SPATA17: variants seen among roughly 807,000 people sequenced by gnomAD.
The protein encoded by SPATA17 is spermatogenesis associated 17.
Under a neutral mutation model 62.2 loss-of-function variants are expected in SPATA17, and 53 were observed. The ratio of observed to expected loss-of-function variants is 0.85; its 90% CI spans 0.68 to 1.07. SPATA17 has a LOEUF of 1.07. Ranked by LOEUF, SPATA17 falls within the 50% of genes least tolerant of loss-of-function variation. The pLI, the probability that SPATA17 is intolerant of heterozygous loss-of-function variation, is 0.00. For missense variants in SPATA17, 466 were observed against 425.5 expected (o/e 1.10, Z -0.84); for synonymous variants, 146 against 146.8 (o/e 0.99, Z 0.04).
intron 5 of SPATA17, among the ~76,000 whole-genome samples, chr1:217,715,987 A>G (rs988684205): frequency 6.6e-6 from 1 of 152,194 alleles, no homozygotes; most frequent in Non-Finnish European, 1.5e-5. Flanking sequence ...ATATGCGTCG[A>G]GTTTCTAGGA....
intron 6 of SPATA17, among the ~76,000 whole-genome samples, chr1:217,749,329 A>T (rs1034528568): frequency 5.9e-5 from 9 of 152,124 alleles, no homozygotes; most frequent in African/African-American, 2.2e-4. Context: ...CTTGATACTT[A>T]CGGTTGCCAA....
At chr1:217,862,921 G>A in intron 10 of SPATA17, 65 bp downstream of exon 10, 3 of 1,032,790 alleles carry the variant, frequency 2.9e-6, no homozygotes, top group South Asian at 1.7e-5. Context: ...AATCAAATGG[G>A]GTTGACTTAA....
intron 4 of SPATA17, among the ~76,000 whole-genome samples, chr1:217,674,033 G>A (rs368279300): frequency 2.6e-5 from 4 of 152,122 alleles, no homozygotes; most frequent in African/African-American, 9.6e-5. Flanking sequence ...ATATTTGCAG[G>A]GGGAAAATAA....
At chr1:217,796,890 T>C (rs550894573) in intron 8 of SPATA17, among the ~76,000 whole-genome samples, 14 of 152,362 alleles carry the variant, frequency 9.2e-5, no homozygotes, top group African/African-American at 3.4e-4. Flanking sequence ...TAGACTGTTA[T>C]TTATTTGCTG....
Position 217,669,049 on chromosome 1 carries a change from T to C in SPATA17, c.257T>C (p.Met86Thr). 6.2e-7 allele frequency: 1 copy of C among 1,611,938 alleles called. No individual in the cohort carries two copies. The highest frequency in any genetic ancestry group is 8.5e-7 in the Non-Finnish European group (1 of 1,179,212). ...GATTCACAGGTAGCATATTATACTA[T>C]GATGATGAATCTCTACAATGCAATG... ...QLTVQVAYYT[M>T]MMNLYNAMAV... Residue 86 changes from methionine to threonine, a missense_variant, in exon 4 of 11, where the codon ATG becomes ACG. By Grantham distance (81) the Met-to-Thr change is moderately conservative. Coordinates refer to ENST00000366933, the MANE Select transcript of SPATA17 (RefSeq NM_138796.4).
chr1:217,678,371 G>A (rs908123109), intron 4 of SPATA17, among the ~76,000 whole-genome samples: 11 of 151,794 alleles, frequency 7.2e-5, no homozygotes, highest in African/African-American at 2.4e-4. Flanking sequence ...ACCACGCCCA[G>A]CTAATTTTGT....
At chr1:217,649,348 G>A (rs1407014728) in intron 2 of SPATA17, among the ~76,000 whole-genome samples, 1 of 152,004 alleles carries the variant, frequency 6.6e-6, no homozygotes, top group Non-Finnish European at 1.5e-5. Flanking sequence ...GCATGGTGGT[G>A]CACATCTGTA....
chr1:217,799,651 A>C (rs1445881818), intron 8 of SPATA17, among the ~76,000 whole-genome samples: 1 of 151,986 alleles, frequency 6.6e-6, no homozygotes, highest in African/African-American at 2.4e-5. Flanking sequence ...ATTAAGAATT[A>C]ATTTATTAAT....
At chr1:217,746,724 T>C (rs1055457947) in intron 6 of SPATA17, among the ~76,000 whole-genome samples, 24 of 151,938 alleles carry the variant, frequency 1.6e-4, no homozygotes, top group African/African-American at 5.8e-4. Flanking sequence ...TGGTATTAAT[T>C]ATCTCATCTT....
At chr1:217,719,123 A>G (rs1672068941) in intron 5 of SPATA17, among the ~76,000 whole-genome samples, 1 of 152,242 alleles carries the variant, frequency 6.6e-6, no homozygotes, top group Non-Finnish European at 1.5e-5. Context: ...GGGCTACTAG[A>G]ACAATGCATT....
chr1:217,804,283 T>A (rs1232421229), intron 9 of SPATA17, among the ~76,000 whole-genome samples: 1 of 151,988 alleles, frequency 6.6e-6, no homozygotes, highest in African/African-American at 2.4e-5. Context: ...TTGACAAAGG[T>A]CCCAAATACA....
At chr1:217,747,123 G>T (rs753751113) in intron 6 of SPATA17, among the ~76,000 whole-genome samples, 2 of 152,066 alleles carry the variant, frequency 1.3e-5, no homozygotes, top group African/African-American at 4.8e-5. Flanking sequence ...AATTTTGGTT[G>T]ATTTGGATAA....
chr1:217,682,532 G>A (rs188377390), intron 4 of SPATA17, among the ~76,000 whole-genome samples: 8 of 152,214 alleles, frequency 5.3e-5, no homozygotes, highest in South Asian at 4.1e-4. Context: ...CAATGGTTAC[G>A]AGAGTGGGCT....
chr1:217,670,672 C>T lies in SPATA17; in HGVS notation c.291+1589C>T, dbSNP rs996213647. 5.3e-5 allele frequency among the ~76,000 whole-genome samples: 8 copies of T among 152,238 alleles called. No individual in the cohort carries two copies. The East Asian group carries it at 1.2e-3, about 22-fold the overall frequency. ...AGGTTAAGAAATTCCCACACCTGGC[C>T]GGGTATGGTGGCTCACGCCTATAAT... On this transcript the variant is annotated intron_variant, in intron 4 of 10. Transcript: ENST00000366933.
intron 9 of SPATA17, among the ~76,000 whole-genome samples, chr1:217,844,517 G>T (rs1675481931): frequency 6.6e-6 from 1 of 152,076 alleles, no homozygotes; most frequent in Non-Finnish European, 1.5e-5. Context: ...TGTCTGGAAT[G>T]GGGTATTTGA....
At chr1:217,666,728 C>T (rs1670705340) in intron 3 of SPATA17, among the ~76,000 whole-genome samples, 1 of 152,156 alleles carries the variant, frequency 6.6e-6, no homozygotes, top group South Asian at 2.1e-4. Flanking sequence ...TCTCCCTTCC[C>T]TCCAGTCACT....
At chr1:217,648,213 A>G (rs1670233895) in intron 1 of SPATA17, among the ~76,000 whole-genome samples, 1 of 152,066 alleles carries the variant, frequency 6.6e-6, no homozygotes, top group South Asian at 2.1e-4. Flanking sequence ...AACTATTTAT[A>G]TATTGTTTTG....
chr1:217,806,826 C>T (rs1674445760), intron 9 of SPATA17, among the ~76,000 whole-genome samples: 1 of 152,068 alleles, frequency 6.6e-6, no homozygotes, highest in African/African-American at 2.4e-5. Flanking sequence ...GCTCTGTCTC[C>T]AATATAGTCA....
chr1:217,799,962 A>G (rs981518427), intron 8 of SPATA17, among the ~76,000 whole-genome samples: 1 of 152,018 alleles, frequency 6.6e-6, no homozygotes, highest in African/African-American at 2.4e-5. Context: ...ACTTTTCTCT[A>G]AATGTTTCTT....
Sources: allele counts gnomAD v4.1 joint callset (sites outside exome capture counted in the v4.1 genomes callset), GRCh38; gene constraint gnomAD v4.1.1; transcripts MANE v1.5; gene names NCBI Gene and HGNC (gene_info 2026-07-23, HGNC 2026-07-21).